The following TRAPPC9 variants were observed in gnomAD, a reference collection of about 807,000 sequenced individuals.
The protein encoded by TRAPPC9 is trafficking protein particle complex subunit 9, also known as IKK2 binding protein.
Under a neutral mutation model 124.0 loss-of-function variants are expected in TRAPPC9, and 83 were observed. The observed-to-expected ratio is 0.67, with a 90% CI of 0.56 to 0.80. The LOEUF is 0.80. Ranked by LOEUF, TRAPPC9 falls within the 30% of genes least tolerant of loss-of-function variation. The probability of loss-of-function intolerance (pLI) is 0.00; values close to 1 mark genes in which losing one functional copy is unlikely to be tolerated. For missense variants in TRAPPC9, 1,302 were observed against 1,508.3 expected (o/e 0.86, Z 2.27); for synonymous variants, 638 against 617.5 (o/e 1.03, Z -0.49).
intron 10 of TRAPPC9, among the ~76,000 whole-genome samples, 168 bp from the exon 11 acceptor site, chr8:140,300,782 C>T (rs1382645643): frequency 1.3e-5 from 2 of 152,202 alleles, no homozygotes; most frequent in Admixed American, 6.5e-5. Flanking sequence ...GGAAGTGTTG[C>T]AACAGTAACT....
At chr8:139,771,870 C>A (rs1228029885) in intron 21 of TRAPPC9, among the ~76,000 whole-genome samples, 2 of 152,182 alleles carry the variant, frequency 1.3e-5, no homozygotes, top group African/African-American at 4.8e-5. Context: ...AACACAGGAG[C>A]CTGACTCAGT....
chr8:140,411,294 C>A (rs188451934), intron 5 of TRAPPC9, among the ~76,000 whole-genome samples: 4 of 152,174 alleles, frequency 2.6e-5, no homozygotes, highest in African/African-American at 9.7e-5. Context: ...CTTAGAAAAA[C>A]GTCCGATTCC....
chr8:140,166,755 C>T (rs1275125775), intron 17 of TRAPPC9, among the ~76,000 whole-genome samples: 1 of 152,224 alleles, frequency 6.6e-6, no homozygotes, highest in Non-Finnish European at 1.5e-5. Flanking sequence ...GCACCTAGAG[C>T]TTAGCCAACT....
At chr8:139,836,022 T>A (rs4449767) in intron 21 of TRAPPC9, among the ~76,000 whole-genome samples, 25,820 of 152,094 alleles carry the variant, frequency 0.17, 2,625 homozygotes, top group East Asian at 0.46. Context: ...TTATTTATTT[T>A]TTTTGAGACA....
At chr8:139,879,282 C>T (rs1305848304) in intron 21 of TRAPPC9, among the ~76,000 whole-genome samples, 2 of 152,134 alleles carry the variant, frequency 1.3e-5, no homozygotes, top group Admixed American at 1.3e-4. Context: ...TGGGTGGGTC[C>T]GAGACCTGGA....
intron 17 of TRAPPC9, among the ~76,000 whole-genome samples, chr8:140,138,954 C>T (rs961080350): frequency 6.6e-6 from 1 of 152,096 alleles, no homozygotes; most frequent in East Asian, 1.9e-4. Context: ...CACAGAAAAC[C>T]GGCTGTGCTC....
intron 5 of TRAPPC9, among the ~76,000 whole-genome samples, chr8:140,408,166 G>T (rs2069562355): frequency 6.6e-6 from 1 of 152,082 alleles, no homozygotes; most frequent in African/African-American, 2.4e-5. Flanking sequence ...TGAACTAGTG[G>T]ACCAGAGCCA....
chr8:140,249,269 G>C (rs1353643988), intron 16 of TRAPPC9, among the ~76,000 whole-genome samples: 7 of 152,174 alleles, frequency 4.6e-5, no homozygotes, highest in Non-Finnish European at 8.8e-5. Flanking sequence ...TTATATGTGA[G>C]AATATGCTGT....
At chr8:140,311,409 T>C (rs1170014174) in intron 9 of TRAPPC9, 35 bp from the exon 10 acceptor site, 2 of 1,609,790 alleles carry the variant, frequency 1.2e-6, no homozygotes, top group East Asian at 2.2e-5. Flanking sequence ...AAAGATGTAT[T>C]AGGCAAAAGT....
intron 17 of TRAPPC9, among the ~76,000 whole-genome samples, chr8:140,025,887 T>A (rs1452987678): frequency 6.6e-6 from 1 of 152,210 alleles, no homozygotes; most frequent in Non-Finnish European, 1.5e-5. Flanking sequence ...AAGTACACAG[T>A]TCAGTGGTGT....
At chr8:140,125,587 C>CTTTTTTTTTTTTTTTTT (rs11292333) in intron 17 of TRAPPC9, among the ~76,000 whole-genome samples, 28 of 67,818 alleles carry the variant, frequency 4.1e-4, no homozygotes, top group African/African-American at 8.6e-4. Context: ...GAATCTCATT[C>CTTTTTTTTTTTTTTTTT]TTTTTTTTTT....
At chr8:140,202,852 G>A (rs117841932) in intron 17 of TRAPPC9, among the ~76,000 whole-genome samples, 96 of 152,276 alleles carry the variant, frequency 6.3e-4, no homozygotes, top group Admixed American at 1.2e-3. Flanking sequence ...AAAATGTTTC[G>A]TGTGAATTCA....
intron 5 of TRAPPC9, among the ~76,000 whole-genome samples, chr8:140,425,410 C>A (rs1342704134): frequency 6.6e-6 from 1 of 152,176 alleles, no homozygotes; most frequent in Non-Finnish European, 1.5e-5. Context: ...CCTTGATGCA[C>A]CCTTGAATAA....
intron 21 of TRAPPC9, among the ~76,000 whole-genome samples, chr8:139,760,623 C>T (rs527532278): frequency 9.2e-5 from 14 of 152,340 alleles, no homozygotes; most frequent in Admixed American, 2.6e-4. Context: ...GATCACCCTC[C>T]GTATCTGACA....
chr8:139,955,741 C>A (rs1421895566), intron 19 of TRAPPC9, among the ~76,000 whole-genome samples: 1 of 152,226 alleles, frequency 6.6e-6, no homozygotes, highest in African/African-American at 2.4e-5. Context: ...ACCGACCAGA[C>A]TCACCCCCAG....
intron 14 of TRAPPC9, among the ~76,000 whole-genome samples, chr8:140,280,569 C>T (rs1279188363): frequency 6.6e-6 from 1 of 152,064 alleles, no homozygotes; most frequent in Admixed American, 6.5e-5. Context: ...GCTGGGATTA[C>T]AGGCTCCTGC....
At chr8:140,457,600 C>A (rs1389631987) in intron 1 of TRAPPC9, 39 bp downstream of exon 1, 31 of 985,500 alleles carry the variant, frequency 3.1e-5, no homozygotes, top group Non-Finnish European at 3.6e-5. Context: ...GCAGCCGGTC[C>A]GAATTGCCTG....
At chr8:139,997,470 C>T (rs1838085787) in intron 18 of TRAPPC9, among the ~76,000 whole-genome samples, 1 of 78,162 alleles carries the variant, frequency 1.3e-5, no homozygotes, top group Admixed American at 1.5e-4. Context: ...ATATATCCCA[C>T]ACAGGGGAGA....
chr8:139,965,675 C>T (rs1339469285), intron 19 of TRAPPC9, among the ~76,000 whole-genome samples: 2 of 152,220 alleles, frequency 1.3e-5, no homozygotes, highest in Non-Finnish European at 2.9e-5. Flanking sequence ...ACCAACCAAA[C>T]CTCTGCTTCC....
Sources: allele counts gnomAD v4.1 joint callset (sites outside exome capture counted in the v4.1 genomes callset), GRCh38; gene constraint gnomAD v4.1.1; transcripts MANE v1.5; gene names NCBI Gene and HGNC (gene_info 2026-07-23, HGNC 2026-07-21).